PHF20: variants seen among roughly 807,000 people sequenced by gnomAD.
The protein encoded by PHF20 is glioma-expressed antigen 2.
PHF20 carries 23 observed loss-of-function variants against 113.5 expected under a neutral mutation model. The ratio of observed to expected loss-of-function variants is 0.20; its 90% confidence interval spans 0.15 to 0.29. PHF20 has a LOEUF of 0.29. Ranked by LOEUF, PHF20 falls within the 10% of genes least tolerant of loss-of-function variation. The probability of loss-of-function intolerance (pLI) is 1.00; values close to 1 mark genes in which losing one functional copy is unlikely to be tolerated. For missense variants in PHF20, 943 were observed against 1,219.6 expected (o/e 0.77, Z 3.38); for synonymous variants, 434 against 457.3 (o/e 0.95, Z 0.65).
chr20:35,830,457 T>G (rs2042339766), intron 2 of PHF20, among the ~76,000 whole-genome samples: 1 of 152,250 alleles, frequency 6.6e-6, no homozygotes, highest in African/African-American at 2.4e-5. Flanking sequence ...TAAGGCTGAA[T>G]AATATTCCAT....
In PHF20 at chr20:35,883,717, C is replaced by G. The variant is rs2054676133; in HGVS notation, c.1282+11888C>G. ...TCGGCTTCCCAAAGTGCTGGAATTA[C>G]AGGTGTGAGCCAGTGTGTCTGGCCC... On this transcript the variant is annotated intron_variant, in intron 9 of 17. Transcript: ENST00000374012. Among the ~76,000 whole-genome samples the G allele has an allele frequency of 2.6e-5, 4 of 152,334 alleles. No individual in the cohort carries two copies. The South Asian group carries it at 8.3e-4, about 32-fold the overall frequency.
chr20:35,814,892 AAAATAAAT>A (rs1555789378), intron 2 of PHF20, among the ~76,000 whole-genome samples: 1 of 110,182 alleles, frequency 9.1e-6, no homozygotes, highest in Non-Finnish European at 1.9e-5. Context: ...AAAAAAAAAT[AAAATAAAT>A]AAATAAATAA....
At chr20:35,896,173 A>G (rs2054979172) in intron 9 of PHF20, among the ~76,000 whole-genome samples, 1 of 151,950 alleles carries the variant, frequency 6.6e-6, no homozygotes, top group Admixed American at 6.6e-5. Context: ...AACCAAACCT[A>G]ATTTTGAAGT....
intron 2 of PHF20, among the ~76,000 whole-genome samples, chr20:35,839,068 C>A (rs2061260706): frequency 6.6e-6 from 1 of 151,050 alleles, no homozygotes; most frequent in Admixed American, 6.6e-5. Flanking sequence ...TGTGAGAAAG[C>A]TGTTGCTAGA....
intron 13 of PHF20, 142 bp from the exon 14 acceptor site, chr20:35,927,638 G>T: frequency 1.5e-6 from 1 of 676,304 alleles, no homozygotes; most frequent in Non-Finnish European, 2.7e-6. Context: ...CAGCAGCTCA[G>T]TTCCACGTTA....
intron 1 of PHF20, among the ~76,000 whole-genome samples, chr20:35,779,442 G>GT (rs1281033111): frequency 6.6e-6 from 1 of 151,998 alleles, no homozygotes; most frequent in Non-Finnish European, 1.5e-5. Context: ...GGGGGTCTCT[G>GT]TCCTAGTAGA....
chr20:35,890,299 G>C (rs938078324), intron 9 of PHF20, among the ~76,000 whole-genome samples: 1 of 152,130 alleles, frequency 6.6e-6, no homozygotes, highest in Non-Finnish European at 1.5e-5. Context: ...CAAAGTGCTG[G>C]AATTACAGGC....
chr20:35,793,909 A>T (rs769434070), intron 1 of PHF20, among the ~76,000 whole-genome samples: 22 of 144,392 alleles, frequency 1.5e-4, no homozygotes, highest in Non-Finnish European at 3.0e-4. Flanking sequence ...GAGGCAGGAG[A>T]TGCTTGAACC....
intron 10 of PHF20, among the ~76,000 whole-genome samples, chr20:35,905,597 G>GT (rs1343699404): frequency 6.6e-6 from 1 of 152,176 alleles, no homozygotes; most frequent in Admixed American, 6.5e-5. Flanking sequence ...TGATCTTGTA[G>GT]TTTCCAACCT....
At chr20:35,781,147 CT>C (rs1050661297) in intron 1 of PHF20, among the ~76,000 whole-genome samples, 50 of 138,690 alleles carry the variant, frequency 3.6e-4, no homozygotes, top group Admixed American at 3.6e-4. Flanking sequence ...AGATTTTATT[CT>C]TTTTTTTTTT....
chr20:35,796,535 G>T (rs1269493767), intron 1 of PHF20, among the ~76,000 whole-genome samples: 1 of 152,144 alleles, frequency 6.6e-6, no homozygotes, highest in African/African-American at 2.4e-5. Flanking sequence ...CCATGGTCAG[G>T]ACCCCAGGAG....
intron 13 of PHF20, among the ~76,000 whole-genome samples, chr20:35,924,415 A>T (rs2055583699): frequency 6.6e-6 from 1 of 151,702 alleles, no homozygotes; most frequent in South Asian, 2.1e-4. Flanking sequence ...GCTGGTCTTG[A>T]ATTCCCGACC....
chr20:35,834,692 G>C (rs2042410142), intron 2 of PHF20, among the ~76,000 whole-genome samples: 1 of 152,054 alleles, frequency 6.6e-6, no homozygotes, highest in Admixed American at 6.6e-5. Context: ...CTGATGATTG[G>C]TCATCTATTC....
intron 2 of PHF20, among the ~76,000 whole-genome samples, chr20:35,825,312 C>T (rs866669990): frequency 4.6e-5 from 7 of 151,966 alleles, no homozygotes; most frequent in East Asian, 1.9e-4. Flanking sequence ...TGCATACCAC[C>T]GTGCCCAGCT....
chr20:35,821,754 T>C (rs1331214004), intron 2 of PHF20, among the ~76,000 whole-genome samples: 1 of 152,178 alleles, frequency 6.6e-6, no homozygotes, highest in Non-Finnish European at 1.5e-5. Context: ...TATTAGTCCA[T>C]GTGAAAGATG....
At chr20:35,938,258 G>A (rs2055904585) in intron 15 of PHF20, among the ~76,000 whole-genome samples, 1 of 152,146 alleles carries the variant, frequency 6.6e-6, no homozygotes. Flanking sequence ...TTCCCATCAT[G>A]GCCTGAACTA....
At chr20:35,807,439 G>A (rs896276773) in intron 2 of PHF20, among the ~76,000 whole-genome samples, 1 of 142,892 alleles carries the variant, frequency 7.0e-6, no homozygotes, top group Non-Finnish European at 1.5e-5. Context: ...TGCAACCTCC[G>A]CCTCCCAGGC....
rs923847390 is a variant in PHF20, at chr20:35,878,830, G to T, written c.1282+7001G>T. 3 of 577,368 alleles carry T rather than the reference G, an allele frequency of 5.2e-6. No individual in the cohort carries two copies. In the African/African-American group the frequency reaches 5.8e-5, roughly 11 times the overall value. 35.8% of individuals were successfully genotyped at this position (577,368 alleles called of 1,614,324 possible). A position where few individuals can be genotyped will look rare whatever the true frequency, so the allele number is the denominator to read the frequency against. On this transcript the variant is annotated intron_variant, in intron 9 of 17. Coordinates refer to ENST00000374012, the MANE Select transcript of PHF20 (RefSeq NM_016436.5). ...ATTATTGTTGAAAATAAACTAATTT[G>T]TATGGGTTTAGATGGTAACACGGCA... is the stretch of plus-strand genomic sequence containing the variant.
chr20:35,882,870 T>C (rs2054659383), intron 9 of PHF20, among the ~76,000 whole-genome samples: 1 of 151,998 alleles, frequency 6.6e-6, no homozygotes, highest in South Asian at 2.1e-4. Flanking sequence ...CTACTAAAAA[T>C]ACAAAAGTTT....
Sources: gnomAD v4.1 joint callset for allele counts (sites outside exome capture counted in the v4.1 genomes callset) on GRCh38, gnomAD v4.1.1 for gene constraint, MANE v1.5 for transcripts, NCBI Gene and HGNC (gene_info 2026-07-23, HGNC 2026-07-21) for gene names.